The following CCDC148 variants were observed in gnomAD, a reference collection of about 807,000 sequenced individuals.
The protein encoded by CCDC148 is coiled-coil domain containing 148.
In CCDC148, 89 loss-of-function variants were observed where a neutral mutation model predicts 85.7. That is an observed-to-expected ratio of 1.04 (90% CI 0.87 to 1.24). The LOEUF (loss-of-function observed/expected upper bound fraction) is 1.24, where lower values mean the gene tolerates loss of function less well. CCDC148 is among the 50% of genes most tolerant of loss of function. The pLI is 0.00. For synonymous variants in CCDC148, 230 were observed against 213.9 expected (o/e 1.08, Z -0.66); for missense variants, 692 against 671.7 (o/e 1.03, Z -0.33).
intron 1 of CCDC148, among the ~76,000 whole-genome samples, chr2:158,376,329 C>A (rs987722748): frequency 5.3e-5 from 8 of 151,874 alleles, no homozygotes; most frequent in Non-Finnish European, 1.0e-4. Context: ...AGTATACTAC[C>A]AAAAAGTAAC....
chr2:158,357,280 T>TAA (rs549035789), intron 2 of CCDC148, among the ~76,000 whole-genome samples: 2 of 148,776 alleles, frequency 1.3e-5, no homozygotes, highest in African/African-American at 5.0e-5. Flanking sequence ...CTGGGTGGCT[T>TAA]AAAAAAAAAC....
At chr2:158,352,197 T>C (rs1683346765) in intron 2 of CCDC148, among the ~76,000 whole-genome samples, 1 of 150,282 alleles carries the variant, frequency 6.7e-6, no homozygotes, top group Admixed American at 6.6e-5. Flanking sequence ...ACGCAGTTCC[T>C]CACCAGCAAC....
intron 1 of CCDC148, among the ~76,000 whole-genome samples, chr2:158,375,812 G>A (rs568627991): frequency 2.2e-4 from 33 of 152,192 alleles, no homozygotes; most frequent in Admixed American, 4.6e-4. Context: ...ATGAAATGCG[G>A]ACGTAAAGCT....
At chr2:158,352,903 G>T (rs890985145) in intron 2 of CCDC148, among the ~76,000 whole-genome samples, 6 of 152,076 alleles carry the variant, frequency 3.9e-5, no homozygotes, top group Admixed American at 1.3e-4. Flanking sequence ...CAAGCCAGAA[G>T]AGAGTGGGGG....
At chr2:158,418,455 C>T (rs1441613383) in intron 1 of CCDC148, among the ~76,000 whole-genome samples, 2 of 152,154 alleles carry the variant, frequency 1.3e-5, no homozygotes, top group African/African-American at 4.8e-5. Context: ...CCTCCTCTTC[C>T]AGCCTTAAAA....
chr2:158,246,090 G>A (rs964303181), intron 10 of CCDC148, among the ~76,000 whole-genome samples: 1 of 152,174 alleles, frequency 6.6e-6, no homozygotes, highest in African/African-American at 2.4e-5. Flanking sequence ...AGAAGAATTA[G>A]GAGGAAGATT....
intron 1 of CCDC148, among the ~76,000 whole-genome samples, chr2:158,426,315 C>T (rs1184465818): frequency 6.6e-6 from 1 of 151,904 alleles, no homozygotes; most frequent in Non-Finnish European, 1.5e-5. Flanking sequence ...TCTATTTGGG[C>T]ATTCTGAGGA....
rs576186098 is a variant in CCDC148, at chr2:158,312,176, A to G, written c.903+1580T>C. Among the ~76,000 whole-genome samples, 8 of 152,308 alleles carry G rather than the reference A, an allele frequency of 5.3e-5. No individual in the cohort carries two copies. The East Asian group carries it at 1.5e-3, about 29-fold the overall frequency. On this transcript the variant is annotated intron_variant, in intron 8 of 13. Transcript: ENST00000283233. ...GTATAATTAGGTAAACAGTAAAACC[A>G]CTTACTTGGTCTCACTTAAACTAAG...
chr2:158,227,046 T>C (rs1177812967), intron 10 of CCDC148, among the ~76,000 whole-genome samples: 4 of 151,926 alleles, frequency 2.6e-5, no homozygotes, highest in Admixed American at 6.6e-5. Context: ...TGATTGTATA[T>C]CTAGAAAACC....
intron 1 of CCDC148, among the ~76,000 whole-genome samples, chr2:158,437,511 A>G (rs1687717909): frequency 6.6e-6 from 1 of 152,216 alleles, no homozygotes; most frequent in Non-Finnish European, 1.5e-5. Flanking sequence ...ACAAACCCAC[A>G]GCCAATATCA....
intron 1 of CCDC148, among the ~76,000 whole-genome samples, chr2:158,443,358 A>T (rs1209806104): frequency 1.3e-5 from 2 of 151,820 alleles, no homozygotes; most frequent in Non-Finnish European, 2.9e-5. Context: ...AACAAAAATG[A>T]TCAAGTGTAG....
chr2:158,184,665 G>C (rs778506765), intron 11 of CCDC148, among the ~76,000 whole-genome samples: 1 of 152,082 alleles, frequency 6.6e-6, no homozygotes, highest in Non-Finnish European at 1.5e-5. Context: ...CCTCGCTCCA[G>C]AATAATTACA....
chr2:158,286,475 T>C (rs566495812), intron 9 of CCDC148, among the ~76,000 whole-genome samples: 1 of 152,238 alleles, frequency 6.6e-6, no homozygotes, highest in Non-Finnish European at 1.5e-5. Context: ...TAAACAACCC[T>C]CAATAGGACT....
chr2:158,206,761 T>C (rs374752482), intron 11 of CCDC148, among the ~76,000 whole-genome samples: 2 of 152,186 alleles, frequency 1.3e-5, no homozygotes, highest in Admixed American at 6.5e-5. Flanking sequence ...GAAAAATTGT[T>C]GGAATTAGTC....
intron 11 of CCDC148, among the ~76,000 whole-genome samples, chr2:158,200,080 CA>C (rs1284651513): frequency 9.9e-5 from 15 of 151,610 alleles, no homozygotes; most frequent in Non-Finnish European, 2.2e-4. Context: ...CACTCTGGTC[CA>C]AAAAAAATCA....
intron 1 of CCDC148, among the ~76,000 whole-genome samples, chr2:158,410,668 C>T (rs570800061): frequency 6.6e-6 from 1 of 152,102 alleles, no homozygotes; most frequent in African/African-American, 2.4e-5. Context: ...TTCTTACAGT[C>T]AGAGTTTACT....
chr2:158,417,052 G>GATATCATGAGAACTCACTCA (rs1686533437), intron 1 of CCDC148, among the ~76,000 whole-genome samples: 1 of 152,126 alleles, frequency 6.6e-6, no homozygotes, highest in Admixed American at 6.6e-5. Context: ...TAAACAACAA[G>GATATCATGAGAACTCACTCA]ATATCATGAG....
At chr2:158,296,899 T>C (rs371929680) in intron 9 of CCDC148, among the ~76,000 whole-genome samples, 1 of 152,232 alleles carries the variant, frequency 6.6e-6, no homozygotes, top group Non-Finnish European at 1.5e-5. Flanking sequence ...CGAAATGCCA[T>C]CTGCTGCTGT....
At chr2:158,410,475 G>A (rs1448777246) in intron 1 of CCDC148, among the ~76,000 whole-genome samples, 1 of 151,892 alleles carries the variant, frequency 6.6e-6, no homozygotes, top group South Asian at 2.1e-4. Flanking sequence ...CATGATTTTT[G>A]TAGTAATTTG....
Sources: gnomAD v4.1 joint callset for allele counts (sites outside exome capture counted in the v4.1 genomes callset) on GRCh38, gnomAD v4.1.1 for gene constraint, MANE v1.5 for transcripts, NCBI Gene and HGNC (gene_info 2026-07-23, HGNC 2026-07-21) for gene names.